Variants in LVRN observed in about 807,000 individuals in gnomAD.
The protein encoded by LVRN is aminopeptidase Q.
Under a neutral mutation model 111.4 loss-of-function variants are expected in LVRN, and 99 were observed. The observed-to-expected ratio is 0.89, with a 90% CI of 0.76 to 1.05. The LOEUF (loss-of-function observed/expected upper bound fraction) is 1.05. Ranked by LOEUF, LVRN falls within the 50% of genes least tolerant of loss-of-function variation. The probability of loss-of-function intolerance (pLI) is 0.00; values close to 1 mark genes in which losing one functional copy is unlikely to be tolerated. For missense variants in LVRN, 1,414 were observed against 1,206.8 expected, an observed-to-expected ratio of 1.17 and a Z score of -2.54; for synonymous variants, 488 against 449.5, an observed-to-expected ratio of 1.09 and a Z score of -1.08.
chr5:115,998,021 G>A (rs536543671), intron 6 of LVRN, among the ~76,000 whole-genome samples: 74 of 152,252 alleles, frequency 4.9e-4, no homozygotes, highest in African/African-American at 1.7e-3. Context: ...ATAGGGTTAG[G>A]GGAGACTCAC....
intron 12 of LVRN, among the ~76,000 whole-genome samples, chr5:116,004,615 G>T (rs1308161939): frequency 6.6e-6 from 1 of 151,970 alleles, no homozygotes; most frequent in Non-Finnish European, 1.5e-5. Context: ...CTAAGAATAT[G>T]GGGAAAAAAA....
chr5:115,964,158 G>C (rs1561551025), intron 1 of LVRN, among the ~76,000 whole-genome samples: 1 of 152,186 alleles, frequency 6.6e-6, no homozygotes, highest in Non-Finnish European at 1.5e-5. Flanking sequence ...GCTTAAGTGG[G>C]AGATATCAAA....
chr5:115,975,553 A>T (rs1753427013), intron 1 of LVRN: 1 of 158,884 alleles, frequency 6.3e-6, no homozygotes, highest in Non-Finnish European at 1.4e-5. Flanking sequence ...AAATAGCATA[A>T]TGTTTTTCCT....
intron 18 of LVRN, 49 bp downstream of exon 18, chr5:116,015,814 A>G (rs754676835): frequency 8.1e-6 from 13 of 1,599,510 alleles, no homozygotes; most frequent in African/African-American, 1.3e-5. Flanking sequence ...CTGGTTTGGC[A>G]CTGGAAGCTC....
In LVRN at chr5:115,990,243, A is replaced by T. The variant is rs574920894; in HGVS notation, c.1106-1880A>T. Among the ~76,000 whole-genome samples the T allele has an allele frequency of 2.0e-5, 3 of 152,288 alleles. No homozygotes were observed. In the South Asian group the frequency reaches 6.2e-4, roughly 32 times the overall value. On this transcript the variant is annotated intron_variant, in intron 4 of 19. Transcript: ENST00000357872. Reference sequence around the variant, plus strand: ...AGGTGTTTGGGTTATTATTGTGCCAATTGACACTTTCCCTGTAGGCTATAT... The same window carrying T: ...AGGTGTTTGGGTTATTATTGTGCCATTTGACACTTTCCCTGTAGGCTATAT...
intron 1 of LVRN, among the ~76,000 whole-genome samples, chr5:115,966,901 G>A (rs1277735568): frequency 1.3e-5 from 2 of 152,264 alleles, no homozygotes; most frequent in Non-Finnish European, 2.9e-5. Flanking sequence ...GACTAATGAT[G>A]TTAAACATTT....
In LVRN at chr5:115,979,933, T is replaced by C. The variant is rs57045976; in HGVS notation, c.696-3354T>C. Among the ~76,000 whole-genome samples the C allele has an allele frequency of 9.0e-3, 1,363 of 152,250 alleles. 19 individuals are homozygous for C. Among genetic ancestry groups the C allele is most frequent in the African/African-American group, 0.032 (1,316 of 41,528 alleles). ...GGATGTAGTAGATTTTTGTTTATGT[T>C]GTAGTAGGTTTATTCTCCAAGGGTG... is the stretch of plus-strand genomic sequence containing the variant. On this transcript the variant is annotated intron_variant, in intron 1 of 19. Transcript: ENST00000357872.
At chr5:115,972,889 A>G (rs1487986306) in intron 1 of LVRN, among the ~76,000 whole-genome samples, 3 of 151,690 alleles carry the variant, frequency 2.0e-5, no homozygotes, top group African/African-American at 4.8e-5. Flanking sequence ...ATTTGTTAAT[A>G]TGGTAAATTA....
chr5:116,006,035 A>G (rs1040363922), intron 13 of LVRN, 68 bp downstream of exon 13: 13 of 1,279,854 alleles, frequency 1.0e-5, no homozygotes, highest in African/African-American at 1.5e-5. Context: ...TAATAGCTTC[A>G]TCACTATGAA....
At chr5:115,964,701 T>G (rs6594916) in intron 1 of LVRN, among the ~76,000 whole-genome samples, 132,638 of 152,046 alleles carry the variant, frequency 0.87, 58,156 homozygotes, top group African/African-American at 0.95. Flanking sequence ...AGCTTGCAAA[T>G]GTGGGAAAGG....
intron 19 of LVRN, 99 bp downstream of exon 19, chr5:116,022,565 TTA>T: frequency 1.2e-6 from 1 of 809,134 alleles, no homozygotes; most frequent in East Asian, 2.6e-5. Context: ...CTTATCTGAA[TTA>T]TTACATTCTA....
At chr5:115,997,171 A>G (rs952456184) in intron 6 of LVRN, among the ~76,000 whole-genome samples, 2 of 152,066 alleles carry the variant, frequency 1.3e-5, no homozygotes. Context: ...CATTGAGGAC[A>G]TTGTTGTTTT....
chr5:115,986,465 C>T (rs1580383479), intron 3 of LVRN, among the ~76,000 whole-genome samples: 1 of 152,224 alleles, frequency 6.6e-6, no homozygotes, highest in East Asian at 1.9e-4. Flanking sequence ...AAAAGGATGC[C>T]AGCTGCCATA....
chr5:115,998,262 A>G, intron 6 of LVRN, among the ~76,000 whole-genome samples: 1 of 152,130 alleles, frequency 6.6e-6, no homozygotes, highest in Non-Finnish European at 1.5e-5. Flanking sequence ...CTGTGGTTTG[A>G]TTACCCTGAG....
At chr5:115,999,675 C>T (rs1336027541) in intron 6 of LVRN, 87 bp from the exon 7 acceptor site, 2 of 1,407,126 alleles carry the variant, frequency 1.4e-6, no homozygotes, top group Non-Finnish European at 2.0e-6. Flanking sequence ...TCTTCAATAT[C>T]AGTTTTTGAA....
intron 1 of LVRN, chr5:115,975,318 A>G (rs1250706548): frequency 1.4e-4 from 44 of 316,326 alleles, no homozygotes; most frequent in Non-Finnish European, 2.0e-4. Flanking sequence ...TTTGCAGATC[A>G]TCCAGTCTTT....
chr5:115,992,978 A>T (rs1375003064), intron 5 of LVRN, among the ~76,000 whole-genome samples: 1 of 152,226 alleles, frequency 6.6e-6, no homozygotes, highest in Non-Finnish European at 1.5e-5. Flanking sequence ...ACTAGGATTG[A>T]TTAATACCCT....
Position 116,005,952 on chromosome 5 carries a change from C to A in LVRN, c.2078C>A (p.Ala693Asp), listed in dbSNP as rs140592882. 4.4e-6 allele frequency: 7 copies of A among 1,593,042 alleles called. No homozygotes were observed. In the East Asian group the frequency reaches 1.3e-4, roughly 31 times the overall value. ...CACAGACTGCAGTTGATTGATGATG[C>A]CTTTTCCTTGTCTAAGTGAGTATAT... ...VIHRLQLIDD[A>D]FSLSKNNYIE... The change falls in exon 13 of 20, where the codon GCC becomes GAC. Residue 693 changes from alanine (A) to aspartate (D), a missense_variant. Transcript: ENST00000357872.
chr5:115,975,528 A>C, intron 1 of LVRN: 1 of 162,152 alleles, frequency 6.2e-6, no homozygotes, highest in Non-Finnish European at 1.4e-5. Context: ...GTCCAGATGA[A>C]TATATCCAGG....
Sources: allele counts gnomAD v4.1 joint callset (sites outside exome capture counted in the v4.1 genomes callset), GRCh38; gene constraint gnomAD v4.1.1; transcripts MANE v1.5; gene names NCBI Gene and HGNC (gene_info 2026-07-23, HGNC 2026-07-21).